Variants in ATAD3B observed in about 807,000 individuals in gnomAD.
The protein encoded by ATAD3B is ATPase family AAA domain containing 3B.
ATAD3B carries 59 observed loss-of-function variants against 70.2 expected under a neutral mutation model. The observed-to-expected ratio is 0.84, with a 90% confidence interval of 0.68 to 1.04. The LOEUF is 1.04. ATAD3B is among the 50% of genes least tolerant of loss of function. ATAD3B has a pLI of 0.00. For missense variants in ATAD3B, 961 were observed against 913.4 expected (o/e 1.05, Z -0.67); for synonymous variants, 423 against 388.6 (o/e 1.09, Z -1.04).
intron 7 of ATAD3B, chr1:1,482,862 G>T: frequency 1.6e-6 from 1 of 610,552 alleles, no homozygotes; most frequent in Non-Finnish European, 2.9e-6. Context: ...CATTAGCTGG[G>T]TGTGATGGTG....
chr1:1,477,051 G>T (rs751206482), intron 1 of ATAD3B, among the ~76,000 whole-genome samples: 2 of 151,786 alleles, frequency 1.3e-5, no homozygotes, highest in African/African-American at 4.8e-5. Flanking sequence ...GTCTCACTCT[G>T]TCCAGCTGGA....
At chr1:1,498,894 G>T (rs1457197160), downstream of ATAD3B, among the ~76,000 whole-genome samples, 4 of 151,924 alleles carry the variant, frequency 2.6e-5, 1 homozygote, top group Non-Finnish European at 5.9e-5. Context: ...TGGAGCAATG[G>T]CGAGCGCCTG....
rs957149787 is a variant in ATAD3B, at chr1:1,486,974, C to T, written c.1214+306C>T. ...CAGGGGAGGCTCCTCCACAGCCGCC[C>T]TCCCCCCAACACGCCTGCAGGTGGG... On this transcript the variant is annotated intron_variant, in intron 11 of 15. Transcript: ENST00000673477. 3.3e-4 allele frequency among the ~76,000 whole-genome samples: 50 copies of T among 151,276 alleles called. 1 individual carries two copies. The highest frequency in any genetic ancestry group is 2.7e-4 in the Non-Finnish European group (18 of 67,824).
At chr1:1,483,611 A>C (rs1380814003) in intron 7 of ATAD3B, 1 of 158,570 alleles carries the variant, frequency 6.3e-6, no homozygotes, top group Non-Finnish European at 1.4e-5. Context: ...ATCTCTACTA[A>C]AAATACAAAA....
At chr1:1,493,368 ACTTGTGATCGCTGGC>A (rs1178323005) in intron 15 of ATAD3B, among the ~76,000 whole-genome samples, 7 of 151,924 alleles carry the variant, frequency 4.6e-5, no homozygotes, top group Non-Finnish European at 1.0e-4. Flanking sequence ...TTAGCTGTGG[ACTTGTGATCGCTGGC>A]CTTCTTTGTG....
Position 1,490,305 on chromosome 1 carries a change from C to T in ATAD3B, c.1386C>T (p.Ala462=), listed in dbSNP as rs1640466462. The change falls in exon 14 of 16, where the codon GCC becomes GCT. Residue 462 remains alanine, a synonymous_variant. Transcript: ENST00000673477. ...ATCTGCCTGAGCAGTTCGACTGTGCCATCAACAGCCGCATTGACGTGATGG... is the reference window on the plus strand; with the variant it reads ...ATCTGCCTGAGCAGTTCGACTGTGCTATCAACAGCCGCATTGACGTGATGG... ...ASNLPEQFDC[A]INSRIDVMVH... is the part of the protein sequence containing the mutation. 1.2e-6 allele frequency: 2 copies of T among 1,613,074 alleles called. 1 individual carries two copies. The highest frequency in any genetic ancestry group is 2.2e-5 in the South Asian group (2 of 91,038).
At chr1:1,488,662 T>C (rs567588692) in intron 12 of ATAD3B, among the ~76,000 whole-genome samples, 4 of 151,920 alleles carry the variant, frequency 2.6e-5, no homozygotes, top group African/African-American at 9.6e-5. Context: ...AGGATGCTGA[T>C]GCAGGAGAAT....
chr1:1,478,392 G>T, intron 2 of ATAD3B: 1 of 1,478,094 alleles, frequency 6.8e-7, no homozygotes, highest in South Asian at 1.4e-5. Context: ...AGCCTTGTGG[G>T]GTGGGGTTGG....
At chr1:1,499,366 A>G (rs568143540), downstream of ATAD3B, among the ~76,000 whole-genome samples, 3 of 139,028 alleles carry the variant, frequency 2.2e-5, no homozygotes, top group East Asian at 6.3e-4. Flanking sequence ...CCTCCCAAGT[A>G]GCTGGGATTA....
At position 1,495,483 on chromosome 1, in the gene ATAD3B, A is replaced by G. The variant is rs1640736668; in HGVS notation, c.1615-2A>G. 1 of 1,598,010 alleles carries G rather than the reference A, an allele frequency of 6.3e-7. No individual in the cohort carries two copies. The highest frequency in any genetic ancestry group is 2.2e-5 in the East Asian group (1 of 44,584). ...TCCCTCAGCTCCCTCTCTCTTCACT[A>G]GGCCACGGCATATGCCTCCAAGGAC... On this transcript the variant is annotated splice_acceptor_variant, in intron 15 of 15. Coordinates refer to ENST00000673477, the MANE Select transcript of ATAD3B (RefSeq NM_031921.6). LOFTEE classifies it high-confidence loss of function.
In ATAD3B at chr1:1,495,435, G is replaced by T. The variant is rs750539716; in HGVS notation, c.1615-50G>T. 9 of 1,553,580 alleles carry T rather than the reference G, an allele frequency of 5.8e-6. No homozygotes were observed. The East Asian group carries it at 1.4e-4, about 23-fold the overall frequency. On this transcript the variant is annotated intron_variant, in intron 15 of 15. Transcript: ENST00000673477. The stretch of plus-strand genomic sequence containing the variant: ...CCTCGGGGCCCTGGCGTGCATTAAG[G>T]GTGGCGGGTTCCCATAGCGGCCTCC...
chr1:1,506,538 G>A, the ATAD3B span, among the ~76,000 whole-genome samples: 38 of 152,110 alleles, frequency 2.5e-4, no homozygotes, highest in Admixed American at 1.9e-3. Context: ...TGGGATTACC[G>A]GCGTGGGCCA....
At position 1,490,315 on chromosome 1, in the gene ATAD3B, C is replaced by G. The variant is rs146786309; in HGVS notation, c.1396C>G (p.Arg466Gly). 6.2e-7 allele frequency: 1 copy of G among 1,613,230 alleles called. No homozygotes were observed. The highest frequency in any genetic ancestry group is 1.7e-5 in the Admixed American group (1 of 59,992). Residue 466 changes from arginine to glycine, a missense_variant, in exon 14 of 16, where the codon CGC becomes GGC. By Grantham distance (125) the Arg-to-Gly change is moderately radical. Coordinates refer to ENST00000673477, the MANE Select transcript of ATAD3B (RefSeq NM_031921.6). ...PEQFDCAINSRIDVMVHFDLP... is the reference protein window; with the variant it reads ...PEQFDCAINSGIDVMVHFDLP... ...GCAGTTCGACTGTGCCATCAACAGC[C>G]GCATTGACGTGATGGTCCACTTCGA... is the stretch of plus-strand genomic sequence containing the variant.
intron 10 of ATAD3B, 67 bp downstream of exon 10, chr1:1,486,302 G>T: frequency 6.2e-7 from 1 of 1,608,442 alleles, no homozygotes; most frequent in South Asian, 1.1e-5. Flanking sequence ...CAGGTGTCTG[G>T]GGGCCTCAGC....
chr1:1,494,495 GGTCA>G (rs1640681662), intron 15 of ATAD3B, among the ~76,000 whole-genome samples: 1 of 151,314 alleles, frequency 6.6e-6, no homozygotes, highest in Non-Finnish European at 1.5e-5. Flanking sequence ...GTCCGGCTCT[GGTCA>G]GTGTCTCCTG....
Position 1,472,180 on chromosome 1 carries a change from C to T in ATAD3B, c.205+91C>T, listed in dbSNP as rs1249455757. 11 of 1,373,042 alleles carry T rather than the reference C, an allele frequency of 8.0e-6. No individual in the cohort carries two copies. The South Asian group carries it at 1.1e-4, about 14-fold the overall frequency. 85.1% of individuals were successfully genotyped at this position (1,373,042 alleles called of 1,614,324 possible). ...GGCCCTTGCCGCTCCTCGCTGCTGT[C>T]GGCAGCCACTTCCCGGGCGAGACTG... On this transcript the variant is annotated intron_variant, in intron 1 of 15. Coordinates refer to ENST00000673477, the MANE Select transcript of ATAD3B (RefSeq NM_031921.6).
At position 1,482,545 on chromosome 1, in the gene ATAD3B, G is replaced by A; in HGVS notation, c.681G>A (p.Arg227=). The change falls in exon 7 of 16, where the codon AGG becomes AGA. Residue 227 remains arginine (R), a splice_region_variant and synonymous_variant. Transcript: ENST00000673477. ...EHRQTVLESI[R]TAGTLFGEGF... ...GGTCACACCACTGCTTTCCCCGCAG[G>A]ACGGCTGGCACCTTGTTTGGGGAAG... 6.2e-7 allele frequency: 1 copy of A among 1,613,394 alleles called. No homozygotes were observed. Among genetic ancestry groups the A allele is most frequent in the Non-Finnish European group, 8.5e-7 (1 of 1,179,558 alleles).
intron 5 of ATAD3B, among the ~76,000 whole-genome samples, chr1:1,481,734 C>T (rs1171707835): frequency 6.6e-6 from 1 of 150,508 alleles, no homozygotes; most frequent in African/African-American, 2.4e-5. Context: ...TCAAAGAGCT[C>T]GTCCTGAGAA....
At position 1,480,721 on chromosome 1, in the gene ATAD3B, C is replaced by G. The variant is rs1245125588; in HGVS notation, c.445-146C>G. 2.8e-6 allele frequency: 4 copies of G among 1,435,442 alleles called. 1 individual carries two copies. The highest frequency in any genetic ancestry group is 3.7e-6 in the Non-Finnish European group (4 of 1,077,640). 88.9% of individuals were successfully genotyped at this position (1,435,442 alleles called of 1,614,324 possible). ...CCGTCCCAGCCGATGTCACCCGTGT[C>G]TGTGTCAGGGTGCGGCGTCTGCAGG... On this transcript the variant is annotated intron_variant, in intron 4 of 15. Coordinates refer to ENST00000673477, the MANE Select transcript of ATAD3B (RefSeq NM_031921.6).
Sources: allele counts gnomAD v4.1 joint callset (sites outside exome capture counted in the v4.1 genomes callset), GRCh38; gene constraint gnomAD v4.1.1; transcripts MANE v1.5; gene names NCBI Gene and HGNC (gene_info 2026-07-23, HGNC 2026-07-21).